Variants in CPNE4 observed in about 807,000 individuals in gnomAD.
The protein encoded by CPNE4 is copine 4, also known as copine-4.
A neutral mutation model predicts 67.9 loss-of-function variants in CPNE4; 25 were observed. The ratio of observed to expected loss-of-function variants is 0.37; its 90% CI spans 0.27 to 0.51. CPNE4 has a LOEUF of 0.51. Among genes scored for constraint, CPNE4 ranks in the 20% least tolerant of loss-of-function variants. The probability of loss-of-function intolerance (pLI) is 0.93; values close to 1 mark genes in which losing one functional copy is unlikely to be tolerated. For missense variants in CPNE4, 464 were observed against 690.8 expected (o/e 0.67, Z 3.68); for synonymous variants, 242 against 244.9 (o/e 0.99, Z 0.11).
At chr3:131,638,158 A>G (rs779555383) in intron 7 of CPNE4, among the ~76,000 whole-genome samples, 4 of 152,128 alleles carry the variant, frequency 2.6e-5, no homozygotes, top group Admixed American at 6.5e-5. Flanking sequence ...CAGGCCACAA[A>G]TAGCATGATG....
At chr3:131,770,590 T>TG (rs2083141463) in intron 2 of CPNE4, among the ~76,000 whole-genome samples, 1 of 152,180 alleles carries the variant, frequency 6.6e-6, no homozygotes. Context: ...CAGGGTGTTA[T>TG]GGGGGCACTC....
At chr3:131,802,852 A>G (rs1032440999) in intron 2 of CPNE4, among the ~76,000 whole-genome samples, 1 of 152,220 alleles carries the variant, frequency 6.6e-6, no homozygotes, top group Non-Finnish European at 1.5e-5. Flanking sequence ...AAGAGGGACC[A>G]GGTCATGATA....
intron 7 of CPNE4, among the ~76,000 whole-genome samples, chr3:131,617,038 A>G (rs767804950): frequency 4.6e-5 from 7 of 152,192 alleles, no homozygotes; most frequent in Non-Finnish European, 1.0e-4. Flanking sequence ...ATGTAGATTT[A>G]TAGGACCTGA....
chr3:131,920,090 A>G (rs771314339), intron 1 of CPNE4, among the ~76,000 whole-genome samples: 1 of 152,104 alleles, frequency 6.6e-6, no homozygotes. Flanking sequence ...GCTGCCCAAC[A>G]TCCTTCTGTG....
intron 1 of CPNE4, among the ~76,000 whole-genome samples, chr3:131,990,503 T>C (rs1026072744): frequency 1.5e-5 from 2 of 136,052 alleles, no homozygotes; most frequent in African/African-American, 4.9e-5. Flanking sequence ...CAATAACAAT[T>C]ATATTGTATG....
rs11267821 is a variant in CPNE4, at chr3:131,717,859, T to TTTCTTTCCTCCCTC, written c.360+5586_360+5587insGAGGGAGGAAAGAA. 1.1e-4 allele frequency among the ~76,000 whole-genome samples: 3 copies of TTTCTTTCCTCCCTC among 26,756 alleles called. 1 individual carries two copies. The highest frequency in any genetic ancestry group is 2.5e-4 in the Non-Finnish European group (2 of 7,874). The allele number at this position is 26,756 out of a possible 152,430, so 17.6% of individuals were successfully genotyped here. A position where few individuals can be genotyped will look rare whatever the true frequency, so the allele number is the denominator to read the frequency against. ...CTTCCTTCCTTCCTTCCTCGCTCCC[T>TTTCTTTCCTCCCTC]CCTTTCTTTCTTTCTTTTCTTTCTT... On this transcript the variant is annotated intron_variant, in intron 3 of 15. Transcript: ENST00000429747.
intron 1 of CPNE4, among the ~76,000 whole-genome samples, chr3:132,008,478 C>A (rs1295584337): frequency 6.6e-6 from 1 of 152,166 alleles, no homozygotes; most frequent in African/African-American, 2.4e-5. Context: ...AGCTCAGAGA[C>A]CTTAAGCAAC....
At chr3:131,922,834 T>G (rs551956404) in intron 1 of CPNE4, among the ~76,000 whole-genome samples, 15 of 152,214 alleles carry the variant, frequency 9.9e-5, no homozygotes, top group South Asian at 6.2e-4. Flanking sequence ...CCTCTAAAAG[T>G]GTTATGTCTG....
intron 2 of CPNE4, among the ~76,000 whole-genome samples, chr3:131,785,666 T>C (rs1361114886): frequency 1.0e-5 from 1 of 100,364 alleles, no homozygotes; most frequent in Non-Finnish European, 2.2e-5. Flanking sequence ...TCTCTCTTTC[T>C]CTCTTTCTCT....
intron 2 of CPNE4, among the ~76,000 whole-genome samples, chr3:131,800,903 A>G (rs1251292258): frequency 6.6e-6 from 1 of 152,188 alleles, no homozygotes; most frequent in Non-Finnish European, 1.5e-5. Flanking sequence ...AAAGAAGGGC[A>G]TGGGATTGGG....
intron 10 of CPNE4, among the ~76,000 whole-genome samples, chr3:131,565,006 C>G (rs1936981432): frequency 1.3e-5 from 2 of 152,098 alleles, no homozygotes; most frequent in South Asian, 4.2e-4. Flanking sequence ...GTCTTGCCAC[C>G]AACTAGTCAT....
chr3:131,621,086 C>G (rs1002919059), intron 7 of CPNE4, among the ~76,000 whole-genome samples: 2 of 152,088 alleles, frequency 1.3e-5, no homozygotes, highest in Non-Finnish European at 2.9e-5. Flanking sequence ...AACTAAGACC[C>G]AAGTTCAAAG....
At chr3:131,654,363 G>A (rs757383139) in intron 7 of CPNE4, among the ~76,000 whole-genome samples, 54 of 151,864 alleles carry the variant, frequency 3.6e-4, no homozygotes, top group South Asian at 1.2e-3. Flanking sequence ...ACTAAGCCTA[G>A]TACCAAATTT....
At chr3:131,625,386 C>T (rs2079049096) in intron 7 of CPNE4, among the ~76,000 whole-genome samples, 1 of 152,110 alleles carries the variant, frequency 6.6e-6, no homozygotes, top group Admixed American at 6.6e-5. Flanking sequence ...ACCATTATTT[C>T]AGGTCCTACT....
chr3:131,803,637 T>A (rs2084210302), intron 2 of CPNE4, among the ~76,000 whole-genome samples: 1 of 152,262 alleles, frequency 6.6e-6, no homozygotes, highest in Admixed American at 6.5e-5. Flanking sequence ...GGCACTGTTC[T>A]AGCCACTGAA....
intron 2 of CPNE4, among the ~76,000 whole-genome samples, chr3:131,824,551 C>T (rs1560403209): frequency 6.6e-6 from 1 of 151,940 alleles, no homozygotes; most frequent in Admixed American, 6.6e-5. Flanking sequence ...GACCAGTCGG[C>T]GGTCTATTGG....
At chr3:131,639,823 G>T (rs190625987) in intron 7 of CPNE4, among the ~76,000 whole-genome samples, 9 of 152,146 alleles carry the variant, frequency 5.9e-5, no homozygotes, top group Non-Finnish European at 1.0e-4. Context: ...TATCAAGTGG[G>T]TTTCATACCA....
chr3:131,722,450 C>G (rs66624956), intron 3 of CPNE4, among the ~76,000 whole-genome samples: 2 of 151,606 alleles, frequency 1.3e-5, no homozygotes, highest in African/African-American at 2.4e-5. Context: ...CATACCCCCC[C>G]ACGTTTGTTC....
chr3:131,744,417 A>G (rs985471745), intron 2 of CPNE4, among the ~76,000 whole-genome samples: 1 of 152,222 alleles, frequency 6.6e-6, no homozygotes, highest in African/African-American at 2.4e-5. Context: ...ATTCAATTGT[A>G]AGAAATAATA....
Sources: gnomAD v4.1 joint callset for allele counts (sites outside exome capture counted in the v4.1 genomes callset) on GRCh38, gnomAD v4.1.1 for gene constraint, MANE v1.5 for transcripts, NCBI Gene and HGNC (gene_info 2026-07-23, HGNC 2026-07-21) for gene names.